EDIL3: variants seen among roughly 807,000 people sequenced by gnomAD.
EDIL3 encodes the protein EGF-like repeat and discoidin I-like domain-containing protein 3.
A neutral mutation model predicts 67.4 loss-of-function variants in EDIL3; 37 were observed. The observed-to-expected ratio is 0.55, with a 90% confidence interval of 0.42 to 0.72. EDIL3 has a LOEUF of 0.72. EDIL3 is among the 30% of genes least tolerant of loss of function. The pLI is 0.00. For synonymous variants in EDIL3, 195 were observed against 196.3 expected (o/e 0.99, Z 0.05); for missense variants, 527 against 586.3 (o/e 0.90, Z 1.04).
At chr5:83,949,210 G>A (rs909603700) in intron 10 of EDIL3, among the ~76,000 whole-genome samples, 2 of 151,670 alleles carry the variant, frequency 1.3e-5, no homozygotes, top group Non-Finnish European at 3.0e-5. Context: ...TTGACAGAAA[G>A]GAACAGAGAG....
At chr5:84,075,477 C>A (rs112764229) in intron 6 of EDIL3, among the ~76,000 whole-genome samples, 6,037 of 151,132 alleles carry the variant, frequency 0.04, 284 homozygotes, top group African/African-American at 0.11. Context: ...TCTTCTTCTT[C>A]TTCTTCTTAT....
intron 4 of EDIL3, among the ~76,000 whole-genome samples, chr5:84,164,632 A>C (rs1169847821): frequency 1.3e-5 from 2 of 152,066 alleles, no homozygotes; most frequent in Non-Finnish European, 2.9e-5. Context: ...GTCAAACCAT[A>C]AACAAGTGTT....
chr5:84,071,999 T>G (rs1746748000), intron 6 of EDIL3, among the ~76,000 whole-genome samples: 1 of 152,102 alleles, frequency 6.6e-6, no homozygotes, highest in Admixed American at 6.6e-5. Flanking sequence ...TTGATAGATT[T>G]CTCAAATAAA....
intron 1 of EDIL3, among the ~76,000 whole-genome samples, chr5:84,338,837 C>T (rs117346110): frequency 6.6e-6 from 1 of 152,274 alleles, no homozygotes; most frequent in East Asian, 1.9e-4. Flanking sequence ...CCTGTGAAAT[C>T]ACACAGGGCC....
At chr5:84,268,667 C>T (rs1004860126) in intron 1 of EDIL3, among the ~76,000 whole-genome samples, 1 of 152,134 alleles carries the variant, frequency 6.6e-6, no homozygotes, top group Non-Finnish European at 1.5e-5. Flanking sequence ...ATGATTCACG[C>T]ACTTTTATTG....
intron 10 of EDIL3, among the ~76,000 whole-genome samples, chr5:83,951,841 A>G (rs1489222120): frequency 6.6e-6 from 1 of 151,768 alleles, no homozygotes. Context: ...GAAGAGTTCA[A>G]CTGCTCCTAA....
chr5:84,234,872 T>C (rs1335825091), intron 2 of EDIL3, among the ~76,000 whole-genome samples: 3 of 152,140 alleles, frequency 2.0e-5, no homozygotes, highest in Non-Finnish European at 4.4e-5. Flanking sequence ...TCTGACAATA[T>C]TTTACAATGT....
intron 1 of EDIL3, among the ~76,000 whole-genome samples, chr5:84,325,196 G>T (rs1210621006): frequency 2.0e-5 from 3 of 151,790 alleles, no homozygotes; most frequent in Middle Eastern, 3.2e-3. Context: ...TTTATCCACA[G>T]AATTGGAGTC....
intron 9 of EDIL3, among the ~76,000 whole-genome samples, chr5:84,050,185 G>C (rs1351436076): frequency 1.0e-5 from 1 of 98,908 alleles, no homozygotes; most frequent in African/African-American, 4.1e-5. Flanking sequence ...GCGACAGAGC[G>C]AAACTCCATC....
intron 9 of EDIL3, among the ~76,000 whole-genome samples, chr5:84,053,741 T>C (rs1746386568): frequency 6.6e-6 from 1 of 152,094 alleles, no homozygotes; most frequent in African/African-American, 2.4e-5. Context: ...ACATACACTC[T>C]CCCAAGACTA....
In EDIL3 at chr5:84,020,738, T is replaced by C. The variant is rs568108396; in HGVS notation, c.1137+39562A>G. 6.6e-5 allele frequency among the ~76,000 whole-genome samples: 10 copies of C among 152,142 alleles called. No individual in the cohort carries two copies. The South Asian group carries it at 2.1e-3, about 32-fold the overall frequency. Reference sequence around the variant, plus strand: ...ACATAATGGAAAAGTTATAAATATATACATCAATCATTTTCCTCTTCAGAG... The same window carrying C: ...ACATAATGGAAAAGTTATAAATATACACATCAATCATTTTCCTCTTCAGAG... On this transcript the variant is annotated intron_variant, in intron 9 of 10. Transcript: ENST00000296591.
At chr5:84,236,009 C>T (rs1031846690) in intron 2 of EDIL3, among the ~76,000 whole-genome samples, 1 of 151,908 alleles carries the variant, frequency 6.6e-6, no homozygotes, top group Admixed American at 6.6e-5. Flanking sequence ...ACAAAATGTA[C>T]TTTTAATGTT....
intron 9 of EDIL3, among the ~76,000 whole-genome samples, chr5:84,052,569 A>G (rs945371797): frequency 1.3e-5 from 2 of 152,166 alleles, no homozygotes; most frequent in Non-Finnish European, 2.9e-5. Flanking sequence ...AACCCATCTC[A>G]CGTGCAGAGA....
intron 1 of EDIL3, among the ~76,000 whole-genome samples, chr5:84,290,754 G>A (rs945544692): frequency 4.0e-5 from 6 of 151,874 alleles, no homozygotes; most frequent in South Asian, 2.1e-4. Context: ...CACTTCTTTC[G>A]GTCTTCATTT....
At chr5:84,359,407 A>G (rs921513610) in intron 1 of EDIL3, among the ~76,000 whole-genome samples, 3 of 152,200 alleles carry the variant, frequency 2.0e-5, no homozygotes, top group Non-Finnish European at 4.4e-5. Flanking sequence ...TAAAATATGC[A>G]ATTTTATTCT....
chr5:84,081,849 T>G (rs968720973), intron 6 of EDIL3, among the ~76,000 whole-genome samples: 2 of 146,686 alleles, frequency 1.4e-5, no homozygotes, highest in African/African-American at 5.1e-5. Flanking sequence ...GTGCATTACT[T>G]CTAAGAGCTG....
chr5:84,239,395 C>T (rs1744749330), intron 2 of EDIL3, among the ~76,000 whole-genome samples: 1 of 152,130 alleles, frequency 6.6e-6, no homozygotes, highest in Non-Finnish European at 1.5e-5. Flanking sequence ...AGCAATCCAA[C>T]ATTGTAAAGA....
At chr5:84,371,476 GAA>G (rs1286678151) in intron 1 of EDIL3, among the ~76,000 whole-genome samples, 39 of 136,014 alleles carry the variant, frequency 2.9e-4, no homozygotes, top group African/African-American at 9.2e-4. Context: ...GAGAGAGAGA[GAA>G]AGAGAGAGAG....
Position 84,384,563 on chromosome 5 carries a change from C to G in EDIL3, c.-189G>C, listed in dbSNP as rs1163745158. ...GAGAGTGGTGACTAAAGAGAGGAGC[C>G]TTTCCTCCCCTTTTGCCTGCGCTCC... is the stretch of plus-strand genomic sequence containing the variant. On this transcript the variant is annotated 5_prime_UTR_variant, in exon 1 of 11. Coordinates refer to ENST00000296591, the MANE Select transcript of EDIL3 (RefSeq NM_005711.5). The G allele has an allele frequency of 2.1e-6, 1 of 482,548 alleles. No individual in the cohort carries two copies. The highest frequency in any genetic ancestry group is 2.0e-5 in the African/African-American group (1 of 49,408). The allele number at this position is 482,548 out of a possible 1,614,324, so 29.9% of individuals were successfully genotyped here. A position where few individuals can be genotyped will look rare whatever the true frequency, so the allele number is the denominator to read the frequency against.
Sources: allele counts gnomAD v4.1 joint callset (sites outside exome capture counted in the v4.1 genomes callset), GRCh38; gene constraint gnomAD v4.1.1; transcripts MANE v1.5; gene names NCBI Gene and HGNC (gene_info 2026-07-23, HGNC 2026-07-21).